WWOX: variants seen among roughly 807,000 people sequenced by gnomAD.
The protein encoded by WWOX is WW domain-containing oxidoreductase.
In WWOX, 69 loss-of-function variants were observed where a neutral mutation model predicts 46.2. The observed-to-expected ratio is 1.49, with a 90% CI of 1.23 to 1.82. The LOEUF (loss-of-function observed/expected upper bound fraction) is 1.82, where lower values mean the gene tolerates loss of function less well. Among genes scored for constraint, WWOX ranks in the 40% most tolerant of loss-of-function variants. The pLI is 0.00. For missense variants in WWOX, 919 were observed against 542.6 expected (o/e 1.69, Z -6.89); for synonymous variants, 359 against 202.6 (o/e 1.77, Z -6.56).
intron 5 of WWOX, among the ~76,000 whole-genome samples, chr16:78,202,375 C>T (rs939271068): frequency 1.4e-4 from 22 of 152,218 alleles, no homozygotes; most frequent in African/African-American, 5.3e-4. Flanking sequence ...TTTCCAGGTA[C>T]GTAGCTGGTC....
chr16:78,173,445 C>T (rs2035227591), intron 5 of WWOX, among the ~76,000 whole-genome samples: 1 of 149,850 alleles, frequency 6.7e-6, no homozygotes, highest in Non-Finnish European at 1.5e-5. Context: ...TATGCCACCA[C>T]ACCTGGCTAA....
intron 8 of WWOX, among the ~76,000 whole-genome samples, chr16:79,130,731 T>A (rs1208693782): frequency 6.6e-6 from 1 of 152,232 alleles, no homozygotes; most frequent in African/African-American, 2.4e-5. Flanking sequence ...CTTCCAGATT[T>A]GACTTGTAAT....
At chr16:78,459,326 G>A (rs2083898246) in intron 8 of WWOX, among the ~76,000 whole-genome samples, 2 of 152,306 alleles carry the variant, frequency 1.3e-5, no homozygotes, top group Admixed American at 6.5e-5. Context: ...AACGGACATG[G>A]TATCCCCAGC....
intron 8 of WWOX, among the ~76,000 whole-genome samples, chr16:78,671,101 C>T (rs986148982): frequency 5.9e-5 from 9 of 152,298 alleles, no homozygotes; most frequent in Middle Eastern, 6.8e-3. Context: ...AGATTTCAAA[C>T]CTCTGGCTTC....
At chr16:78,413,261 G>A (rs995965224) in intron 6 of WWOX, among the ~76,000 whole-genome samples, 3 of 152,134 alleles carry the variant, frequency 2.0e-5, no homozygotes, top group African/African-American at 7.2e-5. Flanking sequence ...AGTGATCTGG[G>A]AGTGCTGATT....
intron 8 of WWOX, among the ~76,000 whole-genome samples, chr16:78,805,015 T>A (rs1467340561): frequency 1.3e-5 from 2 of 152,254 alleles, no homozygotes; most frequent in Non-Finnish European, 2.9e-5. Flanking sequence ...AAGCTTTGCA[T>A]GAGCAAAATG....
At chr16:78,586,522 T>C (rs915086162) in intron 8 of WWOX, among the ~76,000 whole-genome samples, 1 of 152,220 alleles carries the variant, frequency 6.6e-6, no homozygotes, top group African/African-American at 2.4e-5. Context: ...CATTGTCTAA[T>C]TGAATTCTCC....
At chr16:78,313,189 C>T (rs2080283289) in intron 5 of WWOX, among the ~76,000 whole-genome samples, 1 of 152,198 alleles carries the variant, frequency 6.6e-6, no homozygotes, top group African/African-American at 2.4e-5. Flanking sequence ...ACATCTTAGA[C>T]TCCAACACAG....
intron 8 of WWOX, among the ~76,000 whole-genome samples, chr16:78,976,068 T>G (rs1306175603): frequency 6.6e-6 from 1 of 152,190 alleles, no homozygotes; most frequent in African/African-American, 2.4e-5. Flanking sequence ...CCAGCAACAT[T>G]AGGGCATTGT....
chr16:78,290,289 C>CA (rs2079840584), intron 5 of WWOX, among the ~76,000 whole-genome samples: 1 of 149,518 alleles, frequency 6.7e-6, no homozygotes, highest in African/African-American at 2.5e-5. Context: ...TTCCCCCCCC[C>CA]ACCCCCCATC....
At chr16:79,139,918 T>C (rs778669156) in intron 8 of WWOX, among the ~76,000 whole-genome samples, 3 of 152,220 alleles carry the variant, frequency 2.0e-5, no homozygotes, top group Non-Finnish European at 2.9e-5. Context: ...AGAAGCAAAG[T>C]TGTAATTCTC....
In WWOX at chr16:79,019,370, T is replaced by A. The variant is rs1013147573; in HGVS notation, c.1057-192238T>A. On this transcript the variant is annotated intron_variant, in intron 8 of 8. Coordinates refer to ENST00000566780, the MANE Select transcript of WWOX (RefSeq NM_016373.4). ...GGCTGTATGGTCTAGCCTCTTGGTC[T>A]TAGCCTACAAAGCTATGCAACGTGT... is the stretch of plus-strand genomic sequence containing the variant. Among the ~76,000 whole-genome samples, 5 of 152,074 alleles carry A rather than the reference T, an allele frequency of 3.3e-5. No individual in the cohort carries two copies. In the South Asian group the frequency reaches 1.0e-3, roughly 32 times the overall value.
At chr16:78,797,452 G>T (rs1315317964) in intron 8 of WWOX, among the ~76,000 whole-genome samples, 1 of 149,166 alleles carries the variant, frequency 6.7e-6, no homozygotes, top group Non-Finnish European at 1.5e-5. Flanking sequence ...GCCTAAAGTA[G>T]ACCCATTCCC....
At chr16:78,548,382 C>G (rs912299366) in intron 8 of WWOX, among the ~76,000 whole-genome samples, 1 of 151,856 alleles carries the variant, frequency 6.6e-6, no homozygotes, top group African/African-American at 2.4e-5. Flanking sequence ...AAATGTGACT[C>G]ACGCAGAGCA....
At chr16:79,190,713 CCTG>C (rs1183632464) in intron 8 of WWOX, among the ~76,000 whole-genome samples, 1 of 151,944 alleles carries the variant, frequency 6.6e-6, no homozygotes, top group Non-Finnish European at 1.5e-5. Flanking sequence ...CCAAATCCTG[CCTG>C]CTGTTTGTTT....
intron 8 of WWOX, among the ~76,000 whole-genome samples, chr16:78,924,290 G>A (rs1384546443): frequency 2.0e-5 from 3 of 152,070 alleles, no homozygotes; most frequent in African/African-American, 7.2e-5. Context: ...TAAGATTTTA[G>A]GATTAGGAAG....
intron 8 of WWOX, among the ~76,000 whole-genome samples, chr16:78,630,901 A>T (rs1373462225): frequency 6.6e-6 from 1 of 152,168 alleles, no homozygotes; most frequent in Non-Finnish European, 1.5e-5. Flanking sequence ...GGTTCTACAT[A>T]TGTAGATTTA....
In WWOX at chr16:79,009,915, G is replaced by A. The variant is rs537201083; in HGVS notation, c.1057-201693G>A. On this transcript the variant is annotated intron_variant, in intron 8 of 8. Coordinates refer to ENST00000566780, the MANE Select transcript of WWOX (RefSeq NM_016373.4). ...TGAGCTTTGGAACTTATCAAGTTGA[G>A]AGAGAAATTTGATAATTTGTCTATT... Among the ~76,000 whole-genome samples, 146 of 152,346 alleles carry A rather than the reference G, an allele frequency of 9.6e-4. 4 individuals are homozygous for A. The South Asian group carries it at 0.03, about 31-fold the overall frequency.
chr16:78,405,937 C>T (rs1356477509), intron 6 of WWOX, among the ~76,000 whole-genome samples: 1 of 152,090 alleles, frequency 6.6e-6, no homozygotes, highest in Non-Finnish European at 1.5e-5. Context: ...CTCTGACATG[C>T]TAAAATTGCA....
Sources: allele counts gnomAD v4.1 joint callset (sites outside exome capture counted in the v4.1 genomes callset), GRCh38; gene constraint gnomAD v4.1.1; transcripts MANE v1.5; gene names NCBI Gene and HGNC (gene_info 2026-07-23, HGNC 2026-07-21).